KSR1: variants seen among roughly 807,000 people sequenced by gnomAD.
The protein encoded by KSR1 is kinase suppressor of ras 1.
KSR1 carries 35 observed loss-of-function variants against 92.9 expected under a neutral mutation model. The ratio of observed to expected loss-of-function variants is 0.38; its 90% CI spans 0.29 to 0.50. The LOEUF is 0.50. KSR1 is among the 20% of genes least tolerant of loss of function. The pLI, the probability that KSR1 is intolerant of heterozygous loss-of-function variation, is 0.94. For synonymous variants in KSR1, 467 were observed against 472.6 expected, an observed-to-expected ratio of 0.99 and a Z score of 0.15; for missense variants, 972 against 1,158.5, an observed-to-expected ratio of 0.84 and a Z score of 2.34.
chr17:27,534,700 G>A (rs2070694613), intron 1 of KSR1, among the ~76,000 whole-genome samples: 1 of 152,226 alleles, frequency 6.6e-6, no homozygotes, highest in Admixed American at 6.5e-5. Flanking sequence ...TGCTAGTAAT[G>A]TGAGTCCAGT....
At chr17:27,550,042 GC>G (rs1441332235) in intron 1 of KSR1, among the ~76,000 whole-genome samples, 4 of 152,104 alleles carry the variant, frequency 2.6e-5, no homozygotes, top group Admixed American at 6.5e-5. Flanking sequence ...TGGCAGGAAA[GC>G]CTTCTTTTTT....
chr17:27,483,878 A>G (rs1473063602), intron 1 of KSR1: 1 of 152,246 alleles, frequency 6.6e-6, no homozygotes, highest in Non-Finnish European at 1.5e-5. Flanking sequence ...TTTAGTGTCC[A>G]TTGTAATAAT....
chr17:27,605,465 C>G lies in KSR1; in HGVS notation c.1646C>G (p.Ala549Gly). 1.2e-6 allele frequency: 2 copies of G among 1,609,390 alleles called. No homozygotes were observed. Among genetic ancestry groups the G allele is most frequent in the Non-Finnish European group, 1.7e-6 (2 of 1,178,772 alleles). ...GAGCCAGAGGCTGGCAAGTCAGAGG[C>G]AGAAGACGATGAGGACGAGGTGGAC... ...AEEPEAGKSE[A>G]EDDEDEVDDL... The change falls in exon 14 of 21, where the codon GCA becomes GGA. Residue 549 changes from alanine (A) to glycine (G), a missense_variant. This residue lies in a region of KSR1 where 611 missense variants were observed against 668.0 expected (regional missense o/e 0.91). Coordinates refer to ENST00000644974, the MANE Select transcript of KSR1 (RefSeq NM_001394583.1).
chr17:27,618,534 A>G (rs975064619), intron 19 of KSR1, among the ~76,000 whole-genome samples: 8 of 152,202 alleles, frequency 5.3e-5, no homozygotes, highest in African/African-American at 1.9e-4. Flanking sequence ...AGGGCAACTC[A>G]AGTCCTCACT....
rs969144830 is a variant in KSR1, at chr17:27,559,419, C to T, written c.372+8711C>T. On this transcript the variant is annotated intron_variant, in intron 2 of 20. Coordinates refer to ENST00000644974, the MANE Select transcript of KSR1 (RefSeq NM_001394583.1). This position sits in a 1 kb window ranked among gnomAD's most constrained non-coding sequence, Gnocchi z 4.2. ...CTAGAGCAGCGCTGTTCAAAACCTT[C>T]TGTATTGTCCATTCAGTGTGGCAGC... 6.6e-6 allele frequency among the ~76,000 whole-genome samples: 1 copy of T among 152,264 alleles called. No individual in the cohort carries two copies. The highest frequency in any genetic ancestry group is 1.5e-5 in the Non-Finnish European group (1 of 68,052).
chr17:27,611,805 G>C (rs2073925669), intron 18 of KSR1, among the ~76,000 whole-genome samples, 176 bp downstream of exon 18: 1 of 152,122 alleles, frequency 6.6e-6, no homozygotes, highest in South Asian at 2.1e-4. Context: ...GGAAGGAACA[G>C]GGAGGCATAA....
rs184535981 is a variant in KSR1, at chr17:27,585,171, G to C, written c.981-486G>C. ...AGGCTGGTCTTGAATTCCTGACCTA[G>C]GTGATCCACTCGTGTCAGCCTCTCA... On this transcript the variant is annotated intron_variant, in intron 4 of 20. Transcript: ENST00000644974. Among the ~76,000 whole-genome samples, 30 of 152,254 alleles carry C rather than the reference G, an allele frequency of 2.0e-4. 1 individual carries two copies. The highest frequency in any genetic ancestry group is 3.4e-3 in the Middle Eastern group (1 of 294).
At chr17:27,541,373 T>A (rs2070957338) in intron 1 of KSR1, among the ~76,000 whole-genome samples, 1 of 152,210 alleles carries the variant, frequency 6.6e-6, no homozygotes, top group Non-Finnish European at 1.5e-5. Flanking sequence ...GGCAGCATGA[T>A]GGCTAGTTTT....
chr17:27,492,251 G>A (rs946263167), intron 1 of KSR1, among the ~76,000 whole-genome samples: 1 of 152,212 alleles, frequency 6.6e-6, no homozygotes, highest in African/African-American at 2.4e-5. Context: ...GTTCAGGGGT[G>A]AGCAAAGCTG....
chr17:27,589,001 C>T (rs2073074477), intron 6 of KSR1, among the ~76,000 whole-genome samples: 1 of 152,216 alleles, frequency 6.6e-6, no homozygotes, highest in South Asian at 2.1e-4. Flanking sequence ...GTAATTAAAA[C>T]CCAGTGAGGG....
intron 1 of KSR1, among the ~76,000 whole-genome samples, chr17:27,458,380 C>T (rs796971784): frequency 6.6e-6 from 1 of 152,130 alleles, no homozygotes; most frequent in Non-Finnish European, 1.5e-5. Context: ...GGTTGGACTT[C>T]GGTGTTGCTG....
At chr17:27,500,892 G>C (rs2069153900) in intron 1 of KSR1, among the ~76,000 whole-genome samples, 1 of 152,188 alleles carries the variant, frequency 6.6e-6, no homozygotes, top group African/African-American at 2.4e-5. Flanking sequence ...CCAAATCCTT[G>C]GCTTTATCAG....
chr17:27,566,293 A>C, intron 2 of KSR1: 9 of 383,972 alleles, frequency 2.3e-5, no homozygotes, highest in Non-Finnish European at 3.7e-5. Context: ...TGCCCCGGGA[A>C]GTATGTGCTG....
intron 1 of KSR1, among the ~76,000 whole-genome samples, chr17:27,533,072 A>G (rs1172434970): frequency 1.3e-5 from 2 of 152,200 alleles, no homozygotes; most frequent in Admixed American, 6.5e-5. Context: ...AGGCACCCCA[A>G]AAGTCTCAGT....
intron 2 of KSR1, among the ~76,000 whole-genome samples, chr17:27,576,588 A>G (rs764324886): frequency 6.6e-6 from 1 of 152,158 alleles, no homozygotes; most frequent in Non-Finnish European, 1.5e-5. Context: ...CAAGATAGCT[A>G]CTAAGTGACA....
At chr17:27,604,767 T>C (rs1162698631) in intron 13 of KSR1, 39 bp downstream of exon 13, 1 of 1,606,976 alleles carries the variant, frequency 6.2e-7, no homozygotes, top group Admixed American at 1.7e-5. Flanking sequence ...TGGCCCCCCC[T>C]CTTTTTTCCC....
At chr17:27,505,987 T>G (rs1265505024) in intron 1 of KSR1, among the ~76,000 whole-genome samples, 1 of 152,176 alleles carries the variant, frequency 6.6e-6, no homozygotes, top group Non-Finnish European at 1.5e-5. Context: ...TTCTCATTTT[T>G]TTCTTTTCCT....
In KSR1 at chr17:27,459,414, T is replaced by G. The variant is rs1274375984; in HGVS notation, c.231+2540T>G. On this transcript the variant is annotated intron_variant, in intron 1 of 20. Coordinates refer to ENST00000644974, the MANE Select transcript of KSR1 (RefSeq NM_001394583.1). The surrounding 1 kb of genome is among the most constrained non-coding windows in gnomAD (Gnocchi z 4.6). Reference sequence around the variant, plus strand: ...AGTAAATCTGGATTTTAGGGAAAGGTACTTCTGCAGCTGCCTCTCATTTCA... The same window carrying G: ...AGTAAATCTGGATTTTAGGGAAAGGGACTTCTGCAGCTGCCTCTCATTTCA... Among the ~76,000 whole-genome samples, 1 of 152,198 alleles carries G rather than the reference T, an allele frequency of 6.6e-6. No individual in the cohort carries two copies. Among genetic ancestry groups the G allele is most frequent in the African/African-American group, 2.4e-5 (1 of 41,450 alleles).
At chr17:27,588,641 G>A (rs952224170) in intron 6 of KSR1, 106 bp downstream of exon 6, 45 of 1,023,298 alleles carry the variant, frequency 4.4e-5, no homozygotes, top group East Asian at 5.6e-5. Flanking sequence ...TGCCTCTGAC[G>A]GGCCTGTCCA....
Sources: allele counts gnomAD v4.1 joint callset (sites outside exome capture counted in the v4.1 genomes callset), GRCh38; gene constraint gnomAD v4.1.1; regional missense constraint gnomAD v4.1.1; non-coding constraint Gnocchi (gnomAD v3.1); transcripts MANE v1.5; gene names NCBI Gene and HGNC (gene_info 2026-07-23, HGNC 2026-07-21).